The following VWC2L variants were observed in gnomAD, a reference collection of about 807,000 sequenced individuals.
VWC2L encodes the protein von Willebrand factor C domain containing 2 like, also known as von Willebrand factor C domain-containing protein 2-like.
A neutral mutation model predicts 21.6 loss-of-function variants in VWC2L; 10 were observed. That is an observed-to-expected ratio of 0.46 (90% CI 0.29 to 0.78). The LOEUF is 0.78. VWC2L is among the 30% of genes least tolerant of loss of function. The pLI is 0.10. For synonymous variants in VWC2L, 96 were observed against 94.3 expected (o/e 1.02, Z -0.10); for missense variants, 209 against 277.1 (o/e 0.75, Z 1.74).
chr2:214,509,946 G>A (rs1482601112), intron 3 of VWC2L, among the ~76,000 whole-genome samples: 1 of 152,146 alleles, frequency 6.6e-6, no homozygotes, highest in Non-Finnish European at 1.5e-5. Context: ...AAAGTTAGAT[G>A]TTTTTGCAAG....
intron 3 of VWC2L, among the ~76,000 whole-genome samples, chr2:214,442,716 C>G (rs1238099281): frequency 6.6e-6 from 1 of 151,712 alleles, no homozygotes; most frequent in East Asian, 1.9e-4. Flanking sequence ...TGAAATTTTT[C>G]TAGAGAAAAG....
chr2:214,472,651 C>G (rs772301746), intron 3 of VWC2L, among the ~76,000 whole-genome samples: 1 of 152,170 alleles, frequency 6.6e-6, no homozygotes, highest in Non-Finnish European at 1.5e-5. Flanking sequence ...ACCTAGAGCA[C>G]AAGTTCTATA....
chr2:214,480,565 T>C (rs12614846), intron 3 of VWC2L, among the ~76,000 whole-genome samples: 33,857 of 151,998 alleles, frequency 0.22, 3,875 homozygotes, highest in East Asian at 0.26. Flanking sequence ...AATAAATCAG[T>C]CCAGGGCTAG....
intron 3 of VWC2L, among the ~76,000 whole-genome samples, chr2:214,509,464 TTA>T (rs1491364490): frequency 1.9e-5 from 1 of 52,892 alleles, no homozygotes; most frequent in East Asian, 9.6e-3. Flanking sequence ...ACTTTGCTAC[TTA>T]AAAAAAAAAA....
At chr2:214,413,807 A>G (rs898311370) in intron 1 of VWC2L, among the ~76,000 whole-genome samples, 1 of 152,194 alleles carries the variant, frequency 6.6e-6, no homozygotes, top group East Asian at 1.9e-4. Context: ...TCCTTGGATC[A>G]CATTTTGGGG....
chr2:214,547,475 A>G (rs1283059264), intron 3 of VWC2L, among the ~76,000 whole-genome samples: 1 of 152,206 alleles, frequency 6.6e-6, no homozygotes, highest in African/African-American at 2.4e-5. Flanking sequence ...ACTTTCTACC[A>G]TGTGGTCTGT....
chr2:214,434,658 T>C (rs537163493), intron 2 of VWC2L, among the ~76,000 whole-genome samples: 8 of 152,336 alleles, frequency 5.3e-5, no homozygotes, highest in African/African-American at 1.7e-4. Context: ...TCTTGCTTCA[T>C]AGAATTATTA....
chr2:214,412,011 C>A (rs1228013561), intron 1 of VWC2L, among the ~76,000 whole-genome samples: 1 of 150,822 alleles, frequency 6.6e-6, no homozygotes, highest in Non-Finnish European at 1.5e-5. Context: ...ACTAGGGCAG[C>A]TCAATTATGA....
intron 3 of VWC2L, among the ~76,000 whole-genome samples, chr2:214,518,477 G>A (rs1689179683): frequency 6.6e-6 from 1 of 152,196 alleles, no homozygotes; most frequent in Non-Finnish European, 1.5e-5. Flanking sequence ...TTGGCCTAAA[G>A]TTAGGGTTCA....
At chr2:214,564,471 G>T (rs1422789216) in intron 3 of VWC2L, among the ~76,000 whole-genome samples, 1 of 150,788 alleles carries the variant, frequency 6.6e-6, no homozygotes, top group Non-Finnish European at 1.5e-5. Context: ...AAAAATTGAT[G>T]TTTTTTTTTA....
intron 3 of VWC2L, among the ~76,000 whole-genome samples, chr2:214,454,747 C>T (rs1369507291): frequency 6.6e-6 from 1 of 151,198 alleles, no homozygotes; most frequent in African/African-American, 2.4e-5. Context: ...GGACTACAGG[C>T]GCCTGCCACC....
chr2:214,452,321 A>C (rs1702968303), intron 3 of VWC2L, among the ~76,000 whole-genome samples: 2 of 152,100 alleles, frequency 1.3e-5, no homozygotes, highest in African/African-American at 4.8e-5. Flanking sequence ...CGCTTGGCTA[A>C]TTTTTTGTAA....
chr2:214,511,391 G>A (rs1321057842), intron 3 of VWC2L, among the ~76,000 whole-genome samples: 2 of 152,196 alleles, frequency 1.3e-5, no homozygotes, highest in African/African-American at 2.4e-5. Context: ...ACTGTCTGGA[G>A]ATAGAGCCTT....
chr2:214,446,065 T>C (rs2126182607), intron 3 of VWC2L, among the ~76,000 whole-genome samples: 1 of 152,348 alleles, frequency 6.6e-6, no homozygotes, highest in South Asian at 2.1e-4. Flanking sequence ...AAACCAGCTT[T>C]TTAAATTTGA....
At chr2:214,575,120 A>G (rs1262704760) in intron 3 of VWC2L, among the ~76,000 whole-genome samples, 1 of 151,878 alleles carries the variant, frequency 6.6e-6, no homozygotes, top group Non-Finnish European at 1.5e-5. Context: ...AAGCTTGTTC[A>G]GGACATGAAT....
chr2:214,472,135 A>G (rs960320408), intron 3 of VWC2L: 1 of 152,146 alleles, frequency 6.6e-6, no homozygotes, highest in African/African-American at 2.4e-5. Context: ...TTTTTCTAAA[A>G]TAAGTATTGG....
In VWC2L at chr2:214,436,617, AT is replaced by A; in HGVS notation, c.391-9del. On this transcript the variant is annotated splice_polypyrimidine_tract_variant and intron_variant, in intron 2 of 3. Transcript: ENST00000312504. ...ATAGGAGAAAAGGGGCTAATTTTAGATTTGTTCCTAGCCCTCTCCATGTGAA... is the reference window on the plus strand; with the variant it reads ...ATAGGAGAAAAGGGGCTAATTTTAGATTGTTCCTAGCCCTCTCCATGTGAA... 6.2e-7 allele frequency: 1 copy of A among 1,612,304 alleles called. No homozygotes were observed.
chr2:214,569,548 A>G (rs1001460417), intron 3 of VWC2L, among the ~76,000 whole-genome samples: 3 of 152,218 alleles, frequency 2.0e-5, no homozygotes, highest in African/African-American at 4.8e-5. Context: ...CAATGACGTT[A>G]TAAGATTCCT....
At chr2:214,476,532 C>T (rs1317386414) in intron 3 of VWC2L, among the ~76,000 whole-genome samples, 1 of 152,162 alleles carries the variant, frequency 6.6e-6, no homozygotes, top group African/African-American at 2.4e-5. Context: ...TGATGTACCA[C>T]AGGCTTAAAC....
Sources: gnomAD v4.1 joint callset for allele counts (sites outside exome capture counted in the v4.1 genomes callset) on GRCh38, gnomAD v4.1.1 for gene constraint, MANE v1.5 for transcripts, NCBI Gene and HGNC (gene_info 2026-07-23, HGNC 2026-07-21) for gene names.